CPPED1: variants seen among roughly 807,000 people sequenced by gnomAD.
The protein encoded by CPPED1 is serine/threonine-protein phosphatase CPPED1.
CPPED1 carries 28 observed loss-of-function variants against 28.0 expected under a neutral mutation model. That is an observed-to-expected ratio of 1.00 (90% CI 0.74 to 1.37). The LOEUF (loss-of-function observed/expected upper bound fraction) is 1.37. Among genes scored for constraint, CPPED1 ranks in the 40% most tolerant of loss-of-function variants. The probability of loss-of-function intolerance (pLI) is 0.00; values close to 1 mark genes in which losing one functional copy is unlikely to be tolerated. For missense variants in CPPED1, 504 were observed against 416.5 expected, an observed-to-expected ratio of 1.21 and a Z score of -1.83; for synonymous variants, 198 against 180.2, an observed-to-expected ratio of 1.10 and a Z score of -0.79.
intron 2 of CPPED1, chr16:12,760,476 C>G (rs951746007): frequency 1.3e-5 from 2 of 152,290 alleles, no homozygotes; most frequent in African/African-American, 4.8e-5. Flanking sequence ...CCGGGGACTG[C>G]TGTACTACGG....
intron 2 of CPPED1, among the ~76,000 whole-genome samples, chr16:12,749,485 T>C (rs1044012594): frequency 1.3e-5 from 2 of 152,246 alleles, no homozygotes; most frequent in African/African-American, 2.4e-5. Context: ...TTCTGTCTTC[T>C]ACTGAAGTCT....
chr16:12,673,236 G>C (rs1356051939), intron 3 of CPPED1, among the ~76,000 whole-genome samples: 1 of 152,130 alleles, frequency 6.6e-6, no homozygotes, highest in Non-Finnish European at 1.5e-5. Flanking sequence ...CGGTGGAAAT[G>C]ACTGCCTCCT....
intron 1 of CPPED1, among the ~76,000 whole-genome samples, chr16:12,794,144 A>C (rs970276456): frequency 6.6e-6 from 1 of 152,078 alleles, no homozygotes; most frequent in Non-Finnish European, 1.5e-5. Flanking sequence ...AGCTGCCAGA[A>C]TGGTATGCAG....
chr16:12,717,608 T>C (rs926996577), intron 2 of CPPED1, among the ~76,000 whole-genome samples: 3 of 151,744 alleles, frequency 2.0e-5, no homozygotes, highest in Admixed American at 1.3e-4. Context: ...ATACTTGTGT[T>C]GAAATAGAGA....
At chr16:12,740,151 T>G (rs1440940035) in intron 2 of CPPED1, among the ~76,000 whole-genome samples, 1 of 152,084 alleles carries the variant, frequency 6.6e-6, no homozygotes, top group African/African-American at 2.4e-5. Flanking sequence ...CTGCTTTATT[T>G]AAGATACTTT....
intron 3 of CPPED1, among the ~76,000 whole-genome samples, chr16:12,698,287 G>A (rs1053101793): frequency 2.0e-5 from 3 of 152,190 alleles, no homozygotes; most frequent in East Asian, 3.8e-4. Context: ...AGGTGAATAA[G>A]GCTGGGCTTC....
chr16:12,733,051 A>G (rs895752300), intron 2 of CPPED1, among the ~76,000 whole-genome samples: 8 of 152,148 alleles, frequency 5.3e-5, no homozygotes, highest in African/African-American at 1.9e-4. Flanking sequence ...ATTATTTTAA[A>G]TTTATTGACG....
chr16:12,778,270 T>C (rs1443595635), intron 2 of CPPED1, among the ~76,000 whole-genome samples: 1 of 130,242 alleles, frequency 7.7e-6, no homozygotes, highest in Admixed American at 8.0e-5. Context: ...TTTTTCTTTC[T>C]TTCTTTCTTT....
chr16:12,695,591 C>T (rs574107965), intron 3 of CPPED1, among the ~76,000 whole-genome samples: 1 of 152,242 alleles, frequency 6.6e-6, no homozygotes, highest in Admixed American at 6.5e-5. Flanking sequence ...ATTTTAATTT[C>T]AGCCAAAGGT....
intron 2 of CPPED1, among the ~76,000 whole-genome samples, chr16:12,715,747 C>A (rs1226772964): frequency 1.3e-5 from 2 of 152,142 alleles, no homozygotes; most frequent in African/African-American, 4.8e-5. Flanking sequence ...AGGCTGGTCT[C>A]GAACCCCCGA....
chr16:12,704,657 G>A lies in CPPED1; in HGVS notation c.682C>T (p.Arg228Trp), dbSNP rs1284805365. The A allele has an allele frequency of 4.3e-6, 7 of 1,612,758 alleles. No individual in the cohort carries two copies. Among genetic ancestry groups the A allele is most frequent in the East Asian group, 2.2e-5 (1 of 44,872 alleles). Reference protein sequence around the residue: ...DYYFNLSKSTRKKLADKFIHA... With the variant: ...DYYFNLSKSTWKKLADKFIHA... ...ATGAACTTGTCTGCCAACTTCTTCC[G>A]AGTGGACTTGCTGAGGTTGAAGTAG... The change falls in exon 3 of 4, where the codon CGG becomes TGG. Residue 228 changes from arginine to tryptophan, a missense_variant. Transcript: ENST00000381774.
At chr16:12,689,881 T>G (rs1194571798) in intron 3 of CPPED1, among the ~76,000 whole-genome samples, 1 of 152,160 alleles carries the variant, frequency 6.6e-6, no homozygotes, top group African/African-American at 2.4e-5. Context: ...TCAAAAGAAT[T>G]TTTTTCAGAC....
chr16:12,757,331 A>G (rs1200756313), intron 2 of CPPED1, among the ~76,000 whole-genome samples: 1 of 152,126 alleles, frequency 6.6e-6, no homozygotes, highest in Non-Finnish European at 1.5e-5. Context: ...CATAACTACA[A>G]GCATTACTAC....
intron 1 of CPPED1, among the ~76,000 whole-genome samples, chr16:12,787,922 C>T (rs1157118012): frequency 6.6e-6 from 1 of 152,152 alleles, no homozygotes; most frequent in Non-Finnish European, 1.5e-5. Context: ...GCTGAGGTCT[C>T]ATCTGAAGAC....
At chr16:12,784,250 A>T (rs1175968673) in intron 1 of CPPED1, among the ~76,000 whole-genome samples, 1 of 152,154 alleles carries the variant, frequency 6.6e-6, no homozygotes, top group East Asian at 1.9e-4. Context: ...ATGAGAAACC[A>T]ATCCTGCCAA....
intron 3 of CPPED1, among the ~76,000 whole-genome samples, chr16:12,674,791 A>G (rs1449082330): frequency 6.6e-6 from 1 of 152,138 alleles, no homozygotes; most frequent in African/African-American, 2.4e-5. Context: ...CTGCTTTGGG[A>G]CCTTGGACCC....
intron 2 of CPPED1, among the ~76,000 whole-genome samples, chr16:12,756,626 GA>G: frequency 6.6e-6 from 1 of 152,164 alleles, no homozygotes; most frequent in Middle Eastern, 3.4e-3. Context: ...AGAATCACTT[GA>G]ACCCAGGAGG....
At chr16:12,772,314 G>A (rs1424828648) in intron 2 of CPPED1, among the ~76,000 whole-genome samples, 6 of 152,086 alleles carry the variant, frequency 3.9e-5, no homozygotes, top group Non-Finnish European at 4.4e-5. Context: ...TGATAGAAAA[G>A]CCTAACTCCT....
chr16:12,717,388 C>T (rs1366289916), intron 2 of CPPED1, among the ~76,000 whole-genome samples: 1 of 152,136 alleles, frequency 6.6e-6, no homozygotes, highest in African/African-American at 2.4e-5. Context: ...CTCAGTCTCC[C>T]GAGTAGCTGG....
Sources: gnomAD v4.1 joint callset for allele counts (sites outside exome capture counted in the v4.1 genomes callset) on GRCh38, gnomAD v4.1.1 for gene constraint, MANE v1.5 for transcripts, NCBI Gene and HGNC (gene_info 2026-07-23, HGNC 2026-07-21) for gene names.